The following CNTNAP4 variants were observed in gnomAD, a reference collection of about 807,000 sequenced individuals.
The protein encoded by CNTNAP4 is contactin-associated protein-like 4.
A neutral mutation model predicts 148.4 loss-of-function variants in CNTNAP4; 98 were observed. The observed-to-expected ratio is 0.66, with a 90% CI of 0.56 to 0.78. The LOEUF is 0.78. Ranked by LOEUF, CNTNAP4 falls within the 30% of genes least tolerant of loss-of-function variation. The pLI is 0.00. For missense variants in CNTNAP4, 1,935 were observed against 1,565.6 expected, an observed-to-expected ratio of 1.24 and a Z score of -3.98; for synonymous variants, 730 against 565.1, an observed-to-expected ratio of 1.29 and a Z score of -4.14.
intron 2 of CNTNAP4, among the ~76,000 whole-genome samples, chr16:76,317,677 C>T (rs1485386630): frequency 1.3e-5 from 2 of 152,052 alleles, no homozygotes; most frequent in Admixed American, 1.3e-4. Flanking sequence ...TGCTTGAGCA[C>T]ACTGAACATT....
chr16:76,357,481 G>C (rs1233875137), intron 3 of CNTNAP4, among the ~76,000 whole-genome samples: 1 of 152,168 alleles, frequency 6.6e-6, no homozygotes, highest in African/African-American at 2.4e-5. Flanking sequence ...GTCCAAACCA[G>C]TAAAAGTAAA....
At chr16:76,312,417 C>G (rs1162578918) in intron 1 of CNTNAP4, among the ~76,000 whole-genome samples, 1 of 152,148 alleles carries the variant, frequency 6.6e-6, no homozygotes, top group Non-Finnish European at 1.5e-5. Context: ...TCAGAGAAAA[C>G]TGGTTTTCTG....
rs1292198875 is a variant in CNTNAP4 at position 76,460,793 on chromosome 16, T to TATATATATATATATATATAC, written c.1334-1161_1334-1160insATATATATATATATATACAT. ...AAAAAAATATATATATATATATATA[T>TATATATATATATATATATAC]ATTTAGAATTGTATATAAATATATA... On this transcript the variant is annotated intron_variant, in intron 8 of 23. Coordinates refer to ENST00000611870, the MANE Select transcript of CNTNAP4 (RefSeq NM_033401.5). Among the ~76,000 whole-genome samples the TATATATATATATATATATAC allele has an allele frequency of 1.2e-3, 133 of 110,292 alleles. 1 individual carries two copies. The highest frequency in any genetic ancestry group is 4.9e-3 in the Middle Eastern group (1 of 204). The allele number at this position is 110,292 out of a possible 152,430, so 72.4% of individuals were successfully genotyped here. A position where few individuals can be genotyped will look rare whatever the true frequency, so the allele number is the denominator to read the frequency against.
chr16:76,357,724 C>G (rs898619674), intron 3 of CNTNAP4, among the ~76,000 whole-genome samples: 5 of 152,158 alleles, frequency 3.3e-5, no homozygotes, highest in Admixed American at 3.3e-4. Context: ...GTAGAATACT[C>G]TTCTGATCAC....
intron 15 of CNTNAP4, among the ~76,000 whole-genome samples, chr16:76,500,573 C>A (rs780990649): frequency 8.8e-4 from 128 of 146,006 alleles, no homozygotes; most frequent in Admixed American, 1.9e-3. Context: ...TCATTTTAAC[C>A]CCAAATATAT....
intron 3 of CNTNAP4, among the ~76,000 whole-genome samples, chr16:76,401,872 T>G (rs1269053293): frequency 6.6e-6 from 1 of 152,214 alleles, no homozygotes; most frequent in Non-Finnish European, 1.5e-5. Flanking sequence ...TGAACCAACC[T>G]TGCATCCCAG....
chr16:76,400,292 C>A (rs940379214), intron 3 of CNTNAP4, among the ~76,000 whole-genome samples: 2 of 152,104 alleles, frequency 1.3e-5, no homozygotes, highest in Non-Finnish European at 2.9e-5. Flanking sequence ...TCCATCACCT[C>A]ACATATTTTT....
At chr16:76,333,523 C>T (rs1004744617) in intron 2 of CNTNAP4, among the ~76,000 whole-genome samples, 1 of 152,074 alleles carries the variant, frequency 6.6e-6, no homozygotes, top group East Asian at 1.9e-4. Context: ...TACATTGTTT[C>T]CTTTAGCTCT....
Position 76,522,239 on chromosome 16 carries a change from A to C in CNTNAP4, c.2737A>C (p.Asn913His). 6.2e-7 allele frequency: 1 copy of C among 1,613,898 alleles called. No individual in the cohort carries two copies. The change falls in exon 17 of 24, where the codon AAC (asparagine) becomes CAC (histidine). Residue 913 changes from asparagine to histidine, a missense_variant. Physicochemically the swap from Asn to His is moderately conservative, Grantham distance 68. Coordinates refer to ENST00000611870, the MANE Select transcript of CNTNAP4 (RefSeq NM_033401.5). ...PADGHVLLQLNSQLFVGGTAT... is the reference protein window; with the variant it reads ...PADGHVLLQLHSQLFVGGTAT... ...TGATGGGCATGTCCTGTTACAGCTC[A>C]ACAGTCAGCTCTTCGTGGGTAAGTT...
chr16:76,407,168 T>C (rs1271084029), intron 3 of CNTNAP4, among the ~76,000 whole-genome samples: 3 of 152,114 alleles, frequency 2.0e-5, no homozygotes, highest in Non-Finnish European at 4.4e-5. Flanking sequence ...AATTCTTCTC[T>C]GTAAAGCACA....
chr16:76,517,483 A>T (rs1256784682), intron 15 of CNTNAP4, among the ~76,000 whole-genome samples: 1 of 152,244 alleles, frequency 6.6e-6, no homozygotes, highest in East Asian at 1.9e-4. Flanking sequence ...ATTATTAAGC[A>T]TTCAGAAAGA....
rs763030078 is a variant in CNTNAP4, at chr16:76,558,674, C to T, written c.3918C>T (p.Tyr1306=). 46 of 1,604,318 alleles carry T rather than the reference C, an allele frequency of 2.9e-5. No individual in the cohort carries two copies. The highest frequency in any genetic ancestry group is 3.7e-5 in the Non-Finnish European group (44 of 1,175,440). ...CAGTCAATGAAAATCAGAAAGAGTA[C>T]TTCTTCTGATTGGCAGCTATGATTT... ...QNAVNENQKE[Y]FF is the part of the protein sequence containing the mutation. The change falls in exon 24 of 24, where the codon TAC becomes TAT. Residue 1306 remains tyrosine, a synonymous_variant. Transcript: ENST00000611870.
chr16:76,286,831 A>G (rs1032606689), intron 1 of CNTNAP4, among the ~76,000 whole-genome samples: 1 of 152,196 alleles, frequency 6.6e-6, no homozygotes, highest in African/African-American at 2.4e-5. Context: ...AGGATTTATA[A>G]TACATATTTA....
intron 2 of CNTNAP4, among the ~76,000 whole-genome samples, chr16:76,331,627 C>G (rs548233731): frequency 1.8e-4 from 27 of 151,944 alleles, no homozygotes; most frequent in African/African-American, 6.0e-4. Flanking sequence ...TTTTGTATCG[C>G]TTTGTCTCTC....
At chr16:76,288,486 C>T (rs1385744797) in intron 1 of CNTNAP4, among the ~76,000 whole-genome samples, 1 of 152,150 alleles carries the variant, frequency 6.6e-6, no homozygotes, top group Non-Finnish European at 1.5e-5. Context: ...TCTAAAACCT[C>T]TTGGAAAATG....
At chr16:76,304,445 T>C (rs1212344809) in intron 1 of CNTNAP4, among the ~76,000 whole-genome samples, 1 of 151,204 alleles carries the variant, frequency 6.6e-6, no homozygotes, top group African/African-American at 2.4e-5. Context: ...GATGGGAGGG[T>C]TGAGGGCTCT....
At chr16:76,453,721 C>A (rs895998087) in intron 8 of CNTNAP4, among the ~76,000 whole-genome samples, 1 of 151,940 alleles carries the variant, frequency 6.6e-6, no homozygotes, top group African/African-American at 2.4e-5. Context: ...TACGAGAAAA[C>A]AAGTATACAA....
At chr16:76,416,293 C>A (rs2078982064) in intron 3 of CNTNAP4, among the ~76,000 whole-genome samples, 1 of 151,174 alleles carries the variant, frequency 6.6e-6, no homozygotes, top group African/African-American at 2.4e-5. Context: ...AAATTTCTTT[C>A]CTTCTGCATT....
chr16:76,284,867 G>A (rs1958820650), intron 1 of CNTNAP4, among the ~76,000 whole-genome samples: 1 of 151,992 alleles, frequency 6.6e-6, no homozygotes, highest in South Asian at 2.1e-4. Flanking sequence ...GGGGGCTGAT[G>A]GCTCTGTGTT....
Sources: gnomAD v4.1 joint callset for allele counts (sites outside exome capture counted in the v4.1 genomes callset) on GRCh38, gnomAD v4.1.1 for gene constraint, MANE v1.5 for transcripts, NCBI Gene and HGNC (gene_info 2026-07-23, HGNC 2026-07-21) for gene names.